COL24A1: variants seen among roughly 807,000 people sequenced by gnomAD.
COL24A1 encodes the protein collagen type XXIV alpha 1 chain, also known as collagen alpha-1(XXIV) chain.
In COL24A1, 224 loss-of-function variants were observed where a neutral mutation model predicts 253.9. That is an observed-to-expected ratio of 0.88 (90% CI 0.79 to 0.99). The LOEUF (loss-of-function observed/expected upper bound fraction) is 0.99. Among genes scored for constraint, COL24A1 ranks in the 50% least tolerant of loss-of-function variants. COL24A1 has a pLI of 0.00. For missense variants in COL24A1, 2,131 were observed against 2,068.5 expected, an observed-to-expected ratio of 1.03 and a Z score of -0.59; for synonymous variants, 685 against 673.7, an observed-to-expected ratio of 1.02 and a Z score of -0.26.
intron 24 of COL24A1, 77 bp from the exon 25 acceptor site, chr1:85,911,510 T>A: frequency 9.0e-7 from 1 of 1,111,498 alleles, no homozygotes; most frequent in Non-Finnish European, 1.4e-6. Flanking sequence ...AAATCACCTG[T>A]AATCACTATG....
At chr1:85,980,704 C>T (rs1182300667) in intron 20 of COL24A1, among the ~76,000 whole-genome samples, 5 of 152,064 alleles carry the variant, frequency 3.3e-5, no homozygotes, top group East Asian at 1.9e-4. Context: ...ACCAGGAGAT[C>T]GAGACCATCC....
intron 47 of COL24A1, among the ~76,000 whole-genome samples, chr1:85,789,117 T>C (rs574057094): frequency 6.6e-6 from 1 of 152,286 alleles, no homozygotes; most frequent in South Asian, 2.1e-4. Context: ...ATGGTAGTTT[T>C]ATGGGAATAG....
At chr1:85,775,570 G>T in intron 53 of COL24A1, 104 bp downstream of exon 53, 1 of 916,486 alleles carries the variant, frequency 1.1e-6, no homozygotes, top group Non-Finnish European at 1.7e-6. Flanking sequence ...TATTCTACAA[G>T]TATCAGAGAC....
At chr1:86,088,190 A>C (rs1703209591) in intron 7 of COL24A1, among the ~76,000 whole-genome samples, 1 of 152,180 alleles carries the variant, frequency 6.6e-6, no homozygotes, top group Non-Finnish European at 1.5e-5. Context: ...ACTGAAGCTT[A>C]GAAGTTAAGC....
At chr1:85,759,656 T>C (rs1361939311) in intron 55 of COL24A1, among the ~76,000 whole-genome samples, 1 of 152,212 alleles carries the variant, frequency 6.6e-6, no homozygotes, top group African/African-American at 2.4e-5. Context: ...TTATAATGTA[T>C]TCAACACACG....
chr1:85,958,487 G>A (rs1690707865), intron 24 of COL24A1, among the ~76,000 whole-genome samples: 1 of 152,002 alleles, frequency 6.6e-6, no homozygotes, highest in Admixed American at 6.6e-5. Flanking sequence ...TTAAAAATGT[G>A]CCTGCTATAA....
intron 24 of COL24A1, 72 bp downstream of exon 24, chr1:85,961,177 G>T: frequency 9.0e-7 from 1 of 1,115,514 alleles, no homozygotes; most frequent in Non-Finnish European, 1.4e-6. Context: ...TATAGCAAAC[G>T]TAATCATGGC....
At chr1:85,977,123 C>G (rs1364224833) in intron 20 of COL24A1, among the ~76,000 whole-genome samples, 1 of 152,192 alleles carries the variant, frequency 6.6e-6, no homozygotes, top group Non-Finnish European at 1.5e-5. Flanking sequence ...AGAGCAATAA[C>G]AATCACTGCA....
chr1:85,739,616 T>C (rs774479991), intron 57 of COL24A1, among the ~76,000 whole-genome samples: 3 of 152,222 alleles, frequency 2.0e-5, no homozygotes, highest in Admixed American at 1.3e-4. Context: ...CATTAGTTCC[T>C]CCTGGTGTAA....
intron 47 of COL24A1, 26 bp from the exon 48 acceptor site, chr1:85,786,487 A>C (rs376069817): frequency 6.3e-7 from 1 of 1,593,082 alleles, no homozygotes; most frequent in Non-Finnish European, 8.6e-7. Context: ...AAGAAATGAA[A>C]ACTGGGAAAG....
intron 24 of COL24A1, among the ~76,000 whole-genome samples, chr1:85,921,479 AG>A (rs1686482997): frequency 2.0e-5 from 3 of 152,206 alleles, no homozygotes. Flanking sequence ...AGGAAGGATC[AG>A]GCAAAAATAT....
chr1:85,808,992 T>G (rs749062087), intron 47 of COL24A1, among the ~76,000 whole-genome samples: 1 of 152,188 alleles, frequency 6.6e-6, no homozygotes, highest in Non-Finnish European at 1.5e-5. Flanking sequence ...TGAGTCTCCC[T>G]CTGGATGGGG....
chr1:86,077,834 G>C (rs1485062256), intron 7 of COL24A1, among the ~76,000 whole-genome samples: 1 of 133,974 alleles, frequency 7.5e-6, no homozygotes, highest in African/African-American at 2.9e-5. Context: ...ACCAGGGCCT[G>C]TGGGGGTTGG....
chr1:86,033,922 C>G lies in COL24A1; in HGVS notation c.1952G>C (p.Gly651Ala), dbSNP rs1193765300. ...RGKKGFKGRQ[G>A]FPGDFGDRGP... ...TCTGTCTCCAAAGTCACCTGGAAAA[C>G]CCTGTCACAGGGAAAGAGGAAGAAT... Residue 651 changes from glycine (G) to alanine (A), a missense_variant and splice_region_variant, in exon 13 of 60, where the codon GGT (glycine) becomes GCT (alanine). Physicochemically the swap from Gly to Ala is moderately conservative, Grantham distance 60 (BLOSUM62 0). Transcript: ENST00000370571. The G allele has an allele frequency of 6.3e-7, 1 of 1,592,552 alleles. No individual in the cohort carries two copies.
Position 86,104,606 on chromosome 1 carries a change from C to A in COL24A1, c.1599+7961G>T, listed in dbSNP as rs181514713. On this transcript the variant is annotated intron_variant, in intron 5 of 59. Transcript: ENST00000370571. ...GGGTTTTATTGTGATATAAGGCTGG[C>A]TCAGTCAACTGGCCTCATTTCTGGC... 3.3e-4 allele frequency among the ~76,000 whole-genome samples: 50 copies of A among 152,296 alleles called. No homozygotes were observed. The East Asian group carries it at 8.7e-3, about 26-fold the overall frequency.
intron 53 of COL24A1, among the ~76,000 whole-genome samples, chr1:85,768,094 C>A (rs1667559319): frequency 6.6e-6 from 1 of 152,036 alleles, no homozygotes; most frequent in Non-Finnish European, 1.5e-5. Flanking sequence ...GGTATTTGAG[C>A]AGAGACCTGA....
intron 14 of COL24A1, among the ~76,000 whole-genome samples, chr1:86,029,021 C>A (rs534456927): frequency 1.3e-5 from 2 of 152,076 alleles, no homozygotes; most frequent in Admixed American, 6.6e-5. Context: ...TTTAGCTAAT[C>A]AACTCCATGC....
chr1:85,771,778 TTTTATTTATTTA>T (rs200015208), intron 53 of COL24A1, among the ~76,000 whole-genome samples: 2 of 146,578 alleles, frequency 1.4e-5, no homozygotes, highest in Non-Finnish European at 3.0e-5. Flanking sequence ...TGCCTGACTT[TTTTATTTATTTA>T]TTTATTTATT....
chr1:86,034,358 A>G (rs570266631), intron 12 of COL24A1, among the ~76,000 whole-genome samples: 2 of 152,290 alleles, frequency 1.3e-5, no homozygotes, highest in East Asian at 3.9e-4. Flanking sequence ...TTATGCACAT[A>G]ATTATATATA....
Sources: gnomAD v4.1 joint callset for allele counts (sites outside exome capture counted in the v4.1 genomes callset) on GRCh38, gnomAD v4.1.1 for gene constraint, MANE v1.5 for transcripts, NCBI Gene and HGNC (gene_info 2026-07-23, HGNC 2026-07-21) for gene names.